Variants in SPAG16 observed in about 807,000 individuals in gnomAD.
SPAG16 encodes the protein sperm-associated antigen 16 protein.
Under a neutral mutation model 80.4 loss-of-function variants are expected in SPAG16, and 86 were observed. That is an observed-to-expected ratio of 1.07 (90% CI 0.90 to 1.28). The LOEUF (loss-of-function observed/expected upper bound fraction) is 1.28. SPAG16 is among the 50% of genes most tolerant of loss of function. SPAG16 has a pLI of 0.00. For missense variants in SPAG16, 870 were observed against 765.3 expected (o/e 1.14, Z -1.61); for synonymous variants, 294 against 265.9 (o/e 1.11, Z -1.03).
chr2:214,225,167 C>G (rs1559139914), intron 15 of SPAG16, among the ~76,000 whole-genome samples: 1 of 152,104 alleles, frequency 6.6e-6, no homozygotes, highest in Non-Finnish European at 1.5e-5. Context: ...GACAATAAGT[C>G]AATGATAGGA....
intron 10 of SPAG16, among the ~76,000 whole-genome samples, chr2:213,605,958 G>T (rs1420528319): frequency 1.3e-5 from 2 of 151,984 alleles, no homozygotes; most frequent in Non-Finnish European, 2.9e-5. Flanking sequence ...TTTTTTCATG[G>T]TTCTTTCCAG....
chr2:214,037,437 TTAGTA>T (rs2048756475), intron 13 of SPAG16, among the ~76,000 whole-genome samples: 1 of 152,112 alleles, frequency 6.6e-6, no homozygotes, highest in South Asian at 2.1e-4. Context: ...CTTATGTAAC[TTAGTA>T]TATGATTACA....
chr2:214,071,186 G>A (rs1349313408), intron 13 of SPAG16, among the ~76,000 whole-genome samples: 3 of 152,050 alleles, frequency 2.0e-5, no homozygotes, highest in Non-Finnish European at 2.9e-5. Flanking sequence ...GAAAATAGTG[G>A]AGTATCTCAG....
intron 10 of SPAG16, among the ~76,000 whole-genome samples, chr2:213,758,516 TAAAA>T (rs1404018794): frequency 6.6e-6 from 1 of 151,592 alleles, no homozygotes; most frequent in Non-Finnish European, 1.5e-5. Context: ...CACAAGAAGT[TAAAA>T]AAAATTGGGA....
chr2:214,322,149 T>C (rs1322388335), intron 15 of SPAG16, among the ~76,000 whole-genome samples: 1 of 152,192 alleles, frequency 6.6e-6, no homozygotes, highest in East Asian at 1.9e-4. Context: ...AAATTGTTTG[T>C]TTTAGATCCC....
chr2:213,991,746 A>G (rs991194262), intron 12 of SPAG16, among the ~76,000 whole-genome samples: 1 of 152,134 alleles, frequency 6.6e-6, no homozygotes, highest in East Asian at 1.9e-4. Flanking sequence ...TAATGGGTGG[A>G]TTTCCAAGTC....
chr2:214,250,485 G>C (rs148291703), intron 15 of SPAG16, among the ~76,000 whole-genome samples: 50 of 150,536 alleles, frequency 3.3e-4, no homozygotes, highest in African/African-American at 1.1e-3. Flanking sequence ...TAATCATATT[G>C]AATAAATTCA....
At chr2:213,632,228 G>T (rs1290847104) in intron 10 of SPAG16, among the ~76,000 whole-genome samples, 1 of 151,934 alleles carries the variant, frequency 6.6e-6, no homozygotes, top group Non-Finnish European at 1.5e-5. Context: ...TTAATTTTAT[G>T]TGTGGCTACA....
chr2:214,318,373 CTTTTTTTTTTT>C (rs34923875), intron 15 of SPAG16, among the ~76,000 whole-genome samples: 13 of 69,804 alleles, frequency 1.9e-4, no homozygotes, highest in Non-Finnish European at 2.1e-4. Context: ...AGAGTGAATT[CTTTTTTTTTTT>C]TTTTTTTTTT....
At chr2:213,803,518 A>C (rs1438453848) in intron 10 of SPAG16, among the ~76,000 whole-genome samples, 3 of 152,188 alleles carry the variant, frequency 2.0e-5, no homozygotes, top group Non-Finnish European at 4.4e-5. Context: ...TCAAAAATCA[A>C]AGCCTCCAGA....
chr2:214,306,561 G>C (rs180952163), intron 15 of SPAG16, among the ~76,000 whole-genome samples: 1 of 152,112 alleles, frequency 6.6e-6, no homozygotes, highest in Non-Finnish European at 1.5e-5. Flanking sequence ...TCAATACCTC[G>C]TTTATTGGAG....
intron 9 of SPAG16, among the ~76,000 whole-genome samples, chr2:213,468,543 A>C (rs58953893): frequency 2.3e-4 from 28 of 122,806 alleles, no homozygotes; most frequent in East Asian, 7.9e-4. Context: ...AGATATATAT[A>C]TATGTATTTA....
chr2:213,903,177 G>A (rs1192429751), intron 11 of SPAG16, among the ~76,000 whole-genome samples: 4 of 152,098 alleles, frequency 2.6e-5, no homozygotes, highest in African/African-American at 4.8e-5. Context: ...TCTGGAGGAC[G>A]GTGGCCCTCC....
chr2:213,645,963 G>C (rs1001480118), intron 10 of SPAG16, among the ~76,000 whole-genome samples: 2 of 152,174 alleles, frequency 1.3e-5, no homozygotes, highest in African/African-American at 4.8e-5. Context: ...GGCTGGGGCT[G>C]GTTTAAAGGT....
intron 11 of SPAG16, among the ~76,000 whole-genome samples, chr2:213,882,440 T>C (rs1417973314): frequency 6.6e-6 from 1 of 152,176 alleles, no homozygotes; most frequent in Non-Finnish European, 1.5e-5. Flanking sequence ...TAAATATAAC[T>C]TATCCATGGC....
In SPAG16 at chr2:213,557,114, AGTT is replaced by A. The variant is rs1260714146; in HGVS notation, c.1070+67027_1070+67029del. On this transcript the variant is annotated intron_variant, in intron 10 of 15. Transcript: ENST00000331683. Reference sequence around the variant, plus strand: ...TTGTGGGTTTTTTTCTCAGTAAATAAGTTGTATTTTCCAGTCAGGTGATTGAGT... The same window carrying A: ...TTGTGGGTTTTTTTCTCAGTAAATAAGTATTTTCCAGTCAGGTGATTGAGT... Among the ~76,000 whole-genome samples, 5 of 152,230 alleles carry A rather than the reference AGTT, an allele frequency of 3.3e-5. No individual in the cohort carries two copies. The East Asian group carries it at 9.6e-4, about 29-fold the overall frequency.
intron 13 of SPAG16, among the ~76,000 whole-genome samples, chr2:214,058,138 A>G (rs891143486): frequency 3.9e-5 from 6 of 152,270 alleles, no homozygotes; most frequent in Admixed American, 3.3e-4. Context: ...TTTCCATTGC[A>G]TTCATAACTT....
intron 9 of SPAG16, among the ~76,000 whole-genome samples, chr2:213,466,286 T>C (rs555702461): frequency 6.6e-6 from 1 of 152,328 alleles, no homozygotes; most frequent in South Asian, 2.1e-4. Context: ...TAGAGAACCC[T>C]GACTAATACA....
chr2:213,920,595 A>G (rs1272123802), intron 11 of SPAG16, among the ~76,000 whole-genome samples: 1 of 152,206 alleles, frequency 6.6e-6, no homozygotes, highest in Non-Finnish European at 1.5e-5. Flanking sequence ...TCACCACTGC[A>G]GGAGCTATTA....
Sources: gnomAD v4.1 joint callset for allele counts (sites outside exome capture counted in the v4.1 genomes callset) on GRCh38, gnomAD v4.1.1 for gene constraint, MANE v1.5 for transcripts, NCBI Gene and HGNC (gene_info 2026-07-23, HGNC 2026-07-21) for gene names.